The following DHX37 variants were observed in gnomAD, a reference collection of about 807,000 sequenced individuals.
DHX37 encodes DEAH-box helicase 37.
DHX37 carries 52 observed loss-of-function variants against 134.3 expected under a neutral mutation model. The ratio of observed to expected loss-of-function variants is 0.39; its 90% CI spans 0.31 to 0.49. The LOEUF (loss-of-function observed/expected upper bound fraction) is 0.49, where lower values mean the gene tolerates loss of function less well. Ranked by LOEUF, DHX37 falls within the 20% of genes least tolerant of loss-of-function variation. DHX37 has a pLI of 0.93. For missense variants in DHX37, 1,344 were observed against 1,580.8 expected (o/e 0.85, Z 2.54); for synonymous variants, 634 against 670.7 (o/e 0.95, Z 0.85).
chr12:124,964,493 A>T lies in DHX37; in HGVS notation c.1946T>A (p.Val649Asp). 1 of 1,614,212 alleles carries T rather than the reference A, an allele frequency of 6.2e-7. No individual in the cohort carries two copies. Among genetic ancestry groups the T allele is most frequent in the Non-Finnish European group, 8.5e-7 (1 of 1,180,024 alleles). ...GKVKKRYYDRVTGVSSFRVTW... is the reference protein window; with the variant it reads ...GKVKKRYYDRDTGVSSFRVTW... ...GACACGGAAGGAGGATACGCCAGTG[A>T]CGCGGTCGTAGTAGCGTTTCTTGAC... Residue 649 changes from valine (V) to aspartate (D), a missense_variant, in exon 15 of 27, where the codon GTC becomes GAC. Val to Asp is a radical substitution (Grantham distance 152). This residue lies in a region of DHX37 where 39 missense variants were observed against 87.9 expected (regional missense o/e 0.44). Transcript: ENST00000308736.
chr12:124,984,951 A>G (rs1376854020), intron 2 of DHX37, among the ~76,000 whole-genome samples: 1 of 152,180 alleles, frequency 6.6e-6, no homozygotes, highest in Non-Finnish European at 1.5e-5. Context: ...CCTAAATCCA[A>G]TGAGAAGCGC....
At chr12:124,985,422 CAA>C (rs1254928864) in intron 2 of DHX37, among the ~76,000 whole-genome samples, 1 of 152,006 alleles carries the variant, frequency 6.6e-6, no homozygotes, top group Non-Finnish European at 1.5e-5. Context: ...TTTCCCATGA[CAA>C]ACTTTTTTCC....
chr12:124,956,910 T>C (rs979860005), intron 17 of DHX37, 31 bp from the exon 18 acceptor site: 2 of 1,562,318 alleles, frequency 1.3e-6, no homozygotes, highest in Non-Finnish European at 8.7e-7. Context: ...GGCAGTGCTC[T>C]GAGAGGAGCT....
intron 16 of DHX37, among the ~76,000 whole-genome samples, chr12:124,959,871 T>C (rs1006531294): frequency 2.2e-4 from 33 of 152,250 alleles, no homozygotes; most frequent in African/African-American, 7.5e-4. Context: ...ATCAGTTAAA[T>C]GGGGATCTGA....
At position 124,982,486 on chromosome 12, in the gene DHX37, G is replaced by A. The variant is rs776586034; in HGVS notation, c.389+25C>T. On this transcript the variant is annotated intron_variant, in intron 3 of 26. Coordinates refer to ENST00000308736, the MANE Select transcript of DHX37 (RefSeq NM_032656.4). Reference sequence around the variant, plus strand: ...TAGGGGGCCCTGGAGGGAGGGCAGGGTTAGCAAAGGACTGGCCAACTCACT... The same window carrying A: ...TAGGGGGCCCTGGAGGGAGGGCAGGATTAGCAAAGGACTGGCCAACTCACT... 2.8e-4 allele frequency: 446 copies of A among 1,611,628 alleles called. 1 individual carries two copies. Among genetic ancestry groups the A allele is most frequent in the Non-Finnish European group, 3.6e-4 (423 of 1,178,678 alleles).
At chr12:124,967,006 C>A in intron 11 of DHX37, 117 bp downstream of exon 11, 1 of 1,534,060 alleles carries the variant, frequency 6.5e-7, no homozygotes. Flanking sequence ...TGGGGGATGG[C>A]AAAGGTGCTG....
rs1954108221 is a variant in DHX37, at chr12:124,956,861, C to A, written c.2283G>T (p.Glu761Asp). 3 of 1,596,008 alleles carry A rather than the reference C, an allele frequency of 1.9e-6. No individual in the cohort carries two copies. Among genetic ancestry groups the A allele is most frequent in the Non-Finnish European group, 2.6e-6 (3 of 1,167,192 alleles). ...QKAERVKQLQ[E>D]NRLSCPITAL... ...CAGTGATGGGGCAGCTCAGCCGGTT[C>A]TCCTGCAGTTGCTTCACCCTGGAGA... The change falls in exon 18 of 27, where the codon GAG becomes GAT. Residue 761 changes from glutamate to aspartate, a missense_variant. By Grantham distance (45) the Glu-to-Asp change is conservative (BLOSUM62 2). Coordinates refer to ENST00000308736, the MANE Select transcript of DHX37 (RefSeq NM_032656.4).
Position 124,980,529 on chromosome 12 carries a change from G to C in DHX37, c.699C>G (p.Pro233=), listed in dbSNP as rs368071109. 1.9e-5 allele frequency: 30 copies of C among 1,611,924 alleles called. No homozygotes were observed. In the African/African-American group the frequency reaches 3.9e-4, roughly 21 times the overall value. ...APPLPRALAK[P]AVFIPVNRSP... is the part of the protein sequence containing the mutation. Reference sequence around the variant, plus strand: ...AGCGGTTCACGGGGATGAAGACGGCGGGCTTAGCCAGGGCCCTGGGCAGTG... The same window carrying C: ...AGCGGTTCACGGGGATGAAGACGGCCGGCTTAGCCAGGGCCCTGGGCAGTG... The change falls in exon 4 of 27, where the codon CCC becomes CCG. Residue 233 remains proline (P), a synonymous_variant. Coordinates refer to ENST00000308736, the MANE Select transcript of DHX37 (RefSeq NM_032656.4). The surrounding 1 kb of genome is among the most constrained non-coding windows in gnomAD (Gnocchi z 5.3).
intron 6 of DHX37, 100 bp downstream of exon 6, chr12:124,975,318 AC>A (rs1426828722): frequency 8.2e-7 from 1 of 1,215,506 alleles, no homozygotes; most frequent in African/African-American, 1.5e-5. Flanking sequence ...TCCACCCAGC[AC>A]CCTCGGCACA....
At chr12:124,950,632 C>T in intron 22 of DHX37, 58 bp downstream of exon 22, 3 of 1,589,160 alleles carry the variant, frequency 1.9e-6, no homozygotes, top group South Asian at 1.1e-5. Context: ...AGGGTCCCAG[C>T]CACACCCCCA....
chr12:124,965,252 C>T (rs10846790), intron 13 of DHX37, among the ~76,000 whole-genome samples: 31,603 of 152,106 alleles, frequency 0.21, 4,203 homozygotes, highest in East Asian at 0.57. Flanking sequence ...TCTCCTCCTC[C>T]AAACCCCTGG....
At chr12:124,976,796 C>T (rs561616866) in intron 5 of DHX37, among the ~76,000 whole-genome samples, 1 of 149,224 alleles carries the variant, frequency 6.7e-6, no homozygotes, top group South Asian at 2.1e-4. Context: ...CGCCACTACA[C>T]TCCAGCCTGG....
At position 124,971,556 on chromosome 12, in the gene DHX37, T is replaced by C. The variant is rs1954523562; in HGVS notation, c.1078-141A>G. 3 of 1,377,004 alleles carry C rather than the reference T, an allele frequency of 2.2e-6. No homozygotes were observed. The East Asian group carries it at 7.6e-5, about 35-fold the overall frequency. 85.3% of individuals were successfully genotyped at this position (1,377,004 alleles called of 1,614,324 possible). A position where few individuals can be genotyped will look rare whatever the true frequency, so the allele number is the denominator to read the frequency against. On this transcript the variant is annotated intron_variant, in intron 7 of 26. Transcript: ENST00000308736. ...TCAGAGGTGAGCTGCTCAACTCAGA[T>C]GCCCGCAGAGTGGGAGGGCAGGTGG...
rs7963864 is a variant in DHX37, at chr12:124,965,588, C to A, written c.1735+80G>T. 3.4e-6 allele frequency: 5 copies of A among 1,465,978 alleles called. 1 individual carries two copies. In the South Asian group the frequency reaches 7.7e-5, roughly 23 times the overall value. 90.8% of individuals were successfully genotyped at this position (1,465,978 alleles called of 1,614,324 possible). A position where few individuals can be genotyped will look rare whatever the true frequency, so the allele number is the denominator to read the frequency against. ...ACAAAGCTGCTAGAACCCCGGCCCC[C>A]GGGGGGCCCACAAGGGCTCTGGGCA... On this transcript the variant is annotated intron_variant, in intron 13 of 26. Transcript: ENST00000308736.
Position 124,968,988 on chromosome 12 carries a change from G to A in DHX37, c.1192-20C>T. 5 of 1,610,690 alleles carry A rather than the reference G, an allele frequency of 3.1e-6. No individual in the cohort carries two copies. Among genetic ancestry groups the A allele is most frequent in the Non-Finnish European group, 4.2e-6 (5 of 1,178,686 alleles). On this transcript the variant is annotated intron_variant, in intron 8 of 26. Coordinates refer to ENST00000308736, the MANE Select transcript of DHX37 (RefSeq NM_032656.4). ...GTTCCTCTGCAAAAGGACAGGCTCA[G>A]TGACCGTGGCCCCAGGACCGCAGGT...
At chr12:124,958,783 G>A (rs1341588721) in intron 16 of DHX37, among the ~76,000 whole-genome samples, 3 of 149,950 alleles carry the variant, frequency 2.0e-5, no homozygotes, top group Non-Finnish European at 3.0e-5. Flanking sequence ...CCACCATCAC[G>A]CCTGGCTAAT....
chr12:124,956,827 G>A lies in DHX37; in HGVS notation c.2317C>T (p.Arg773Trp), dbSNP rs564185617. The stretch of plus-strand genomic sequence containing the variant: ...GCCACGGGGAATGTGGCCATTGTCC[G>A]GCCCAGCGCAGTGATGGGGCAGCTC... Reference protein sequence around the residue: ...RLSCPITALGRTMATFPVAPR... With the variant: ...RLSCPITALGWTMATFPVAPR... Residue 773 changes from arginine to tryptophan, a missense_variant, in exon 18 of 27, where the codon CGG becomes TGG. By Grantham distance (101) the Arg-to-Trp change is moderately radical. Coordinates refer to ENST00000308736, the MANE Select transcript of DHX37 (RefSeq NM_032656.4). 9 of 1,609,734 alleles carry A rather than the reference G, an allele frequency of 5.6e-6. No individual in the cohort carries two copies. Among genetic ancestry groups the A allele is most frequent in the African/African-American group, 2.7e-5 (2 of 74,778 alleles).
Position 124,977,392 on chromosome 12 carries a change from G to A in DHX37, c.837C>T (p.Ser279=), listed in dbSNP as rs776420079. The change falls in exon 5 of 27, where the codon AGC becomes AGT. Residue 279 remains serine (S), a synonymous_variant. Transcript: ENST00000308736. Reference sequence around the variant, plus strand: ...ACTGAGGCACCTGTGTGGTCTTCCCGCTGCCGGTCTCACCACACACGATGA... The same window carrying A: ...ACTGAGGCACCTGTGTGGTCTTCCCACTGCCGGTCTCACCACACACGATGA... ...PIVIVCGETG[S]GKTTQVPQFL... The A allele has an allele frequency of 1.3e-5, 21 of 1,605,624 alleles. No homozygotes were observed. Among genetic ancestry groups the A allele is most frequent in the East Asian group, 2.3e-5 (1 of 44,218 alleles).
chr12:124,977,237 G>A, intron 5 of DHX37, 105 bp downstream of exon 5: 1 of 1,372,314 alleles, frequency 7.3e-7, no homozygotes, highest in Non-Finnish European at 9.6e-7. Context: ...CATGCACAGG[G>A]CAGATCCAGG....
Sources: allele counts gnomAD v4.1 joint callset (sites outside exome capture counted in the v4.1 genomes callset), GRCh38; gene constraint gnomAD v4.1.1; regional missense constraint gnomAD v4.1.1; non-coding constraint Gnocchi (gnomAD v3.1); transcripts MANE v1.5; gene names NCBI Gene and HGNC (gene_info 2026-07-23, HGNC 2026-07-21).